Variants in ACP7 observed in about 807,000 individuals in gnomAD.
ACP7 encodes acid phosphatase type 7.
A neutral mutation model predicts 60.6 loss-of-function variants in ACP7; 58 were observed. The ratio of observed to expected loss-of-function variants is 0.96; its 90% CI spans 0.77 to 1.19. ACP7 has a LOEUF of 1.19. Among genes scored for constraint, ACP7 ranks in the 50% most tolerant of loss-of-function variants. The pLI is 0.00. For missense variants in ACP7, 574 were observed against 596.2 expected (o/e 0.96, Z 0.39); for synonymous variants, 237 against 232.6 (o/e 1.02, Z -0.17).
chr19:39,102,157 C>A (rs895495602), intron 11 of ACP7, among the ~76,000 whole-genome samples: 1 of 150,304 alleles, frequency 6.7e-6, no homozygotes, highest in Non-Finnish European at 1.5e-5. Flanking sequence ...CACACACACA[C>A]AAAAGATACT....
At chr19:39,099,166 G>T in intron 4 of ACP7, 24 bp downstream of exon 4, 1 of 1,488,754 alleles carries the variant, frequency 6.7e-7, no homozygotes. Flanking sequence ...AGGGGCGCGC[G>T]CAGGGACGGT....
intron 4 of ACP7, 25 bp downstream of exon 4, chr19:39,099,167 C>T (rs755699019): frequency 2.7e-6 from 4 of 1,483,970 alleles, no homozygotes; most frequent in Non-Finnish European, 3.5e-6. Flanking sequence ...GGGGCGCGCG[C>T]AGGGACGGTG....
intron 2 of ACP7, among the ~76,000 whole-genome samples, chr19:39,094,916 A>G (rs1395818366): frequency 5.9e-5 from 9 of 152,220 alleles, no homozygotes; most frequent in Non-Finnish European, 8.8e-5. Flanking sequence ...AGAGAAAATG[A>G]GGAAAAGCAG....
rs146792018 is a variant in ACP7, at chr19:39,110,091, C to T, written c.1290C>T (p.Pro430=). 3.1e-6 allele frequency: 5 copies of T among 1,613,914 alleles called. No homozygotes were observed. In the South Asian group the frequency reaches 3.3e-5, roughly 11 times the overall value. Residue 430 remains proline (P), a synonymous_variant, in exon 13 of 13, where the codon CCC becomes CCT. Coordinates refer to ENST00000331256, the MANE Select transcript of ACP7 (RefSeq NM_001004318.3). ...TAGATGATGTCTGGGTGGTGAGACCCCTGTTTGGCCGGAGGATGTACCTCT... is the reference window on the plus strand; with the variant it reads ...TAGATGATGTCTGGGTGGTGAGACCTCTGTTTGGCCGGAGGATGTACCTCT... ...KIVDDVWVVR[P]LFGRRMYL is the part of the protein sequence containing the mutation.
At position 39,110,158 on chromosome 19, in the gene ACP7, G is replaced by T. The variant is rs181056330; in HGVS notation, c.*40G>T. ...CTCCTCCAGAAGCCTAGGTTTTGCC[G>T]CCTTGGCTGCTGTGACCAGAAACTG... On this transcript the variant is annotated 3_prime_UTR_variant, in exon 13 of 13. Transcript: ENST00000331256. 2 of 1,581,644 alleles carry T rather than the reference G, an allele frequency of 1.3e-6. No individual in the cohort carries two copies. The highest frequency in any genetic ancestry group is 4.5e-5 in the East Asian group (2 of 44,702).
intron 11 of ACP7, among the ~76,000 whole-genome samples, chr19:39,104,655 G>A (rs558067971): frequency 7.2e-5 from 11 of 152,264 alleles, no homozygotes; most frequent in South Asian, 2.1e-4. Context: ...AAGCTGAGGC[G>A]GGCAGATCAC....
chr19:39,095,010 C>T (rs1446952911), intron 2 of ACP7, among the ~76,000 whole-genome samples: 1 of 152,142 alleles, frequency 6.6e-6, no homozygotes, highest in Non-Finnish European at 1.5e-5. Flanking sequence ...CAAATGATCT[C>T]CCTCCACGTA....
chr19:39,100,807 GC>G lies in ACP7; in HGVS notation c.763del (p.His255ThrfsTer123). ...TEVYFFLHYG[R>X]HLVQRQFRWL... ...GTCTATTTCTTTCTCCATTATGGCC[GC>G]CACTTGGTACAGAGGCAGTTTCGCT... On this transcript the variant is annotated frameshift_variant, in exon 7 of 13. Transcript: ENST00000331256. LOFTEE classifies it high-confidence loss of function. The G allele has an allele frequency of 6.2e-7, 1 of 1,613,864 alleles. No individual in the cohort carries two copies. Among genetic ancestry groups the G allele is most frequent in the South Asian group, 1.1e-5 (1 of 91,080 alleles).
intron 2 of ACP7, among the ~76,000 whole-genome samples, chr19:39,096,253 C>T (rs1050497843): frequency 6.6e-6 from 1 of 152,130 alleles, no homozygotes; most frequent in African/African-American, 2.4e-5. Flanking sequence ...AAACTGAATG[C>T]CTTTAACAGG....
At chr19:39,095,744 C>T (rs1037799740) in intron 2 of ACP7, among the ~76,000 whole-genome samples, 2 of 152,232 alleles carry the variant, frequency 1.3e-5, no homozygotes, top group Non-Finnish European at 2.9e-5. Flanking sequence ...CATGAGAGCC[C>T]CACCCCTACT....
rs779411164 is a variant in ACP7 at position 39,101,030 on chromosome 19, G to A, written c.889G>A (p.Asp297Asn). ...CATGTACTGCTCCAACGCAGATCTG[G>A]ACGACTGCACACGACATGAAAGCAA... ...RPMYCSNADL[D>N]DCTRHESKVR... Residue 297 changes from aspartate (D) to asparagine (N), a missense_variant, in exon 8 of 13, where the codon GAC (aspartate) becomes AAC (asparagine). By Grantham distance (23) the Asp-to-Asn change is conservative. Coordinates refer to ENST00000331256, the MANE Select transcript of ACP7 (RefSeq NM_001004318.3). The A allele has an allele frequency of 3.1e-6, 5 of 1,614,052 alleles. No individual in the cohort carries two copies. In the Admixed American group the frequency reaches 6.7e-5, roughly 22 times the overall value.
chr19:39,105,265 T>C (rs1472593680), intron 11 of ACP7, among the ~76,000 whole-genome samples: 1 of 151,956 alleles, frequency 6.6e-6, no homozygotes, highest in Non-Finnish European at 1.5e-5. Context: ...TCTGCCCGCC[T>C]CGGCCTCCCA....
At chr19:39,093,132 CTTCCCT>C (rs2073223844) in intron 2 of ACP7, among the ~76,000 whole-genome samples, 1 of 86,382 alleles carries the variant, frequency 1.2e-5, no homozygotes. Flanking sequence ...TTCTTTCCTT[CTTCCCT>C]CACTCCTTTC....
At chr19:39,103,302 C>A (rs980224578) in intron 11 of ACP7, among the ~76,000 whole-genome samples, 1 of 152,080 alleles carries the variant, frequency 6.6e-6, no homozygotes, top group African/African-American at 2.4e-5. Context: ...TTTTACTCTG[C>A]GGGTTATTAT....
Position 39,100,775 on chromosome 19 carries a change from C to T in ACP7, c.729C>T (p.Ser243=). The change falls in exon 7 of 13, where the codon TCC becomes TCT. Residue 243 remains serine, a synonymous_variant. Coordinates refer to ENST00000331256, the MANE Select transcript of ACP7 (RefSeq NM_001004318.3). ...GTCCCGCCCACATCATCTCCTTCTC[C>T]ACCGAGGTCTATTTCTTTCTCCATT... ...DLGPAHIISF[S]TEVYFFLHYG... is the part of the protein sequence containing the mutation. The T allele has an allele frequency of 1.2e-6, 2 of 1,614,092 alleles. No individual in the cohort carries two copies. The highest frequency in any genetic ancestry group is 1.7e-6 in the Non-Finnish European group (2 of 1,180,022).
intron 12 of ACP7, among the ~76,000 whole-genome samples, chr19:39,109,537 T>C (rs762264077): frequency 5.3e-5 from 8 of 151,654 alleles, no homozygotes; most frequent in Non-Finnish European, 1.0e-4. Context: ...AAACCTTGTC[T>C]CTAGTAAAAA....
At chr19:39,090,931 C>G (rs2073196904) in intron 2 of ACP7, among the ~76,000 whole-genome samples, 1 of 151,894 alleles carries the variant, frequency 6.6e-6, no homozygotes, top group African/African-American at 2.4e-5. Context: ...ATCATGGACT[C>G]ATGGATATCC....
intron 2 of ACP7, among the ~76,000 whole-genome samples, chr19:39,087,496 C>T (rs2073155731): frequency 6.6e-6 from 1 of 152,078 alleles, no homozygotes; most frequent in South Asian, 2.1e-4. Context: ...TTGGCTCTGT[C>T]AGGGTTTGGC....
rs2073345460 is a variant in ACP7, at chr19:39,101,499, A to G, written c.1075A>G (p.Asn359Asp). The G allele has an allele frequency of 1.2e-6, 2 of 1,613,962 alleles. No individual in the cohort carries two copies. Among genetic ancestry groups the G allele is most frequent in the Admixed American group, 1.7e-5 (1 of 59,996 alleles). Residue 359 changes from asparagine to aspartate, a missense_variant, in exon 11 of 13, where the codon AAC (asparagine) becomes GAC (aspartate). By Grantham distance (23) the Asn-to-Asp change is conservative (BLOSUM62 1). Transcript: ENST00000331256. ...FNGSREMPYT[N>D]PRGPVHIITG... ...CGGCAGCCGAGAGATGCCCTACACC[A>G]ACCCGCGAGGGCCTGTCCACATCAT...
Sources: gnomAD v4.1 joint callset for allele counts (sites outside exome capture counted in the v4.1 genomes callset) on GRCh38, gnomAD v4.1.1 for gene constraint, MANE v1.5 for transcripts, NCBI Gene and HGNC (gene_info 2026-07-23, HGNC 2026-07-21) for gene names.